The following SBNO2 variants were observed in gnomAD, a reference collection of about 807,000 sequenced individuals.
SBNO2 encodes protein strawberry notch homolog 2.
Under a neutral mutation model 146.3 loss-of-function variants are expected in SBNO2, and 89 were observed. That is an observed-to-expected ratio of 0.61 (90% CI 0.51 to 0.73). SBNO2 has a LOEUF of 0.73. Ranked by LOEUF, SBNO2 falls within the 30% of genes least tolerant of loss-of-function variation. SBNO2 has a pLI of 0.00. For missense variants in SBNO2, 2,092 were observed against 2,003.7 expected, an observed-to-expected ratio of 1.04 and a Z score of -0.84; for synonymous variants, 1,147 against 892.6, an observed-to-expected ratio of 1.29 and a Z score of -5.08.
intron 4 of SBNO2, chr19:1,132,101 C>A (rs1205532556): frequency 1.9e-6 from 3 of 1,541,328 alleles, no homozygotes; most frequent in African/African-American, 1.4e-5. Context: ...TTGTTCAGAG[C>A]CTCAAACTGC....
rs768214559 is a variant in SBNO2 at position 1,114,305 on chromosome 19, T to C, written c.2003A>G (p.Asn668Ser). 2.1e-5 allele frequency: 32 copies of C among 1,552,600 alleles called. No individual in the cohort carries two copies. The highest frequency in any genetic ancestry group is 1.5e-4 in the East Asian group (6 of 40,836). Residue 668 changes from asparagine to serine, a missense_variant, in exon 18 of 32, where the codon AAC becomes AGC. Coordinates refer to ENST00000361757, the MANE Select transcript of SBNO2 (RefSeq NM_014963.3). ...ESDPGLDSDF[N>S]SSPESLVDDD... ...ATCCACCAGGGACTCGGGGGAGGAG[T>C]TGAAGTCGCTGTCCAGGCCAGGGTC... is the stretch of plus-strand genomic sequence containing the variant.
In SBNO2 at chr19:1,116,883, C is replaced by T. The variant is rs369982538; in HGVS notation, c.1748G>A (p.Arg583Gln). Reference sequence around the variant, plus strand: ...CCCATCGTTCTCCCCCAGCACCTCCCGCGTGCGCGCCTCGCCCGTGGACTG... The same window carrying T: ...CCCATCGTTCTCCCCCAGCACCTCCTGCGTGCGCGCCTCGCCCGTGGACTG... Reference protein sequence around the residue: ...GLQSTGEARTREVLGENDGHL... With the variant: ...GLQSTGEARTQEVLGENDGHL... Residue 583 changes from arginine (R) to glutamine (Q), a missense_variant, in exon 16 of 32, where the codon CGG becomes CAG. Physicochemically the swap from Arg to Gln is conservative, Grantham distance 43. Transcript: ENST00000361757. 1.4e-5 allele frequency: 22 copies of T among 1,582,622 alleles called. No individual in the cohort carries two copies. The highest frequency in any genetic ancestry group is 5.4e-5 in the African/African-American group (4 of 74,394).
At position 1,150,355 on chromosome 19, in the gene SBNO2, G is replaced by A. The variant is rs2080230777; in HGVS notation, c.94-913C>T. Among the ~76,000 whole-genome samples, 1 of 152,078 alleles carries A rather than the reference G, an allele frequency of 6.6e-6. No homozygotes were observed. The highest frequency in any genetic ancestry group is 2.4e-5 in the African/African-American group (1 of 41,410). On this transcript the variant is annotated intron_variant, in intron 2 of 31. Coordinates refer to ENST00000361757, the MANE Select transcript of SBNO2 (RefSeq NM_014963.3). The surrounding 1 kb of genome is among the most constrained non-coding windows in gnomAD (Gnocchi z 6.2). ...TCGGGGGCAGGGCTGTGGACACCTC[G>A]TGCCCTGCAGAATGGGCACCCCTCA... is the stretch of plus-strand genomic sequence containing the variant.
intron 4 of SBNO2, among the ~76,000 whole-genome samples, chr19:1,133,405 A>T (rs1388604289): frequency 6.6e-6 from 1 of 152,002 alleles, no homozygotes; most frequent in Non-Finnish European, 1.5e-5. Context: ...CAGGGCTCTG[A>T]GGGGAGAGTG....
chr19:1,113,432 A>G (rs2079791676), intron 19 of SBNO2, 103 bp downstream of exon 19: 3 of 1,050,422 alleles, frequency 2.9e-6, no homozygotes, highest in Non-Finnish European at 4.0e-6. Context: ...GCGGAGACGC[A>G]GAGTGACCAG....
rs1364889778 is a variant in SBNO2 at position 1,122,130 on chromosome 19, G to C, written c.1149+9C>G. ...AGCCCTCCCCTCCCGATTGCCCCCA[G>C]CAGGATACGACGCCCTCGAAGGCCT... On this transcript the variant is annotated intron_variant, in intron 11 of 31. Transcript: ENST00000361757. The C allele has an allele frequency of 1.5e-6, 2 of 1,315,062 alleles. No individual in the cohort carries two copies. The highest frequency in any genetic ancestry group is 1.8e-5 in the South Asian group (1 of 54,926). 81.5% of individuals were successfully genotyped at this position (1,315,062 alleles called of 1,614,324 possible).
intron 5 of SBNO2, among the ~76,000 whole-genome samples, chr19:1,125,018 T>C (rs1267905808): frequency 6.6e-6 from 1 of 151,922 alleles, no homozygotes; most frequent in African/African-American, 2.4e-5. Flanking sequence ...ATATCCACTC[T>C]TAAAAAGCAA....
intron 4 of SBNO2, among the ~76,000 whole-genome samples, chr19:1,135,099 A>G (rs555501088): frequency 6.7e-6 from 1 of 148,260 alleles, no homozygotes; most frequent in Admixed American, 6.8e-5. Context: ...AGTGGCTCAC[A>G]CCTGCCATCC....
At chr19:1,168,332 G>T (rs1215871206) in intron 1 of SBNO2, among the ~76,000 whole-genome samples, 1 of 152,112 alleles carries the variant, frequency 6.6e-6, no homozygotes, top group East Asian at 1.9e-4. Context: ...GCCCCGGTCA[G>T]CCCAGCCACA....
At chr19:1,154,803 A>ACCCAGGGGAG (rs2080274393) in intron 1 of SBNO2, among the ~76,000 whole-genome samples, 1 of 152,044 alleles carries the variant, frequency 6.6e-6, no homozygotes. Flanking sequence ...CGGGCCCGGC[A>ACCCAGGGGAG]CCCAGGGGAG....
rs553574884 is a variant in SBNO2 at position 1,125,061 on chromosome 19, G to A, written c.442-1039C>T. Among the ~76,000 whole-genome samples, 27 of 152,022 alleles carry A rather than the reference G, an allele frequency of 1.8e-4. No individual in the cohort carries two copies. In the South Asian group the frequency reaches 3.7e-3, roughly 21 times the overall value. On this transcript the variant is annotated intron_variant, in intron 5 of 31. Coordinates refer to ENST00000361757, the MANE Select transcript of SBNO2 (RefSeq NM_014963.3). ...AACAGTAATACGAGCCATAAAAAAC[G>A]TAAGCATGGTCAGGGTACAGTGGCT...
At chr19:1,127,928 C>A (rs552565933) in intron 4 of SBNO2, among the ~76,000 whole-genome samples, 163 bp from the exon 5 acceptor site, 21 of 152,236 alleles carry the variant, frequency 1.4e-4, no homozygotes, top group African/African-American at 5.1e-4. Context: ...ATTCTCCTGC[C>A]TCATCCTCCC....
At position 1,157,294 on chromosome 19, in the gene SBNO2, C is replaced by A. The variant is rs899598024; in HGVS notation, c.-126-2892G>T. On this transcript the variant is annotated intron_variant, in intron 1 of 31. Transcript: ENST00000361757. This position sits in a 1 kb window ranked among gnomAD's most constrained non-coding sequence, Gnocchi z 6.8. ...ACCCTAGTGGGACACTGGGTGGGGT[C>A]TTGGGGCCTGAGAACACCCCAACGC... Among the ~76,000 whole-genome samples the A allele has an allele frequency of 6.6e-6, 1 of 151,912 alleles. No homozygotes were observed. The highest frequency in any genetic ancestry group is 1.5e-5 in the Non-Finnish European group (1 of 67,938).
chr19:1,152,728 G>A (rs974152317), intron 2 of SBNO2, among the ~76,000 whole-genome samples: 11 of 152,160 alleles, frequency 7.2e-5, no homozygotes, highest in African/African-American at 1.9e-4. Context: ...ATGGACTGCC[G>A]AGGGGTGTCT....
At chr19:1,132,625 C>A (rs570717446) in intron 4 of SBNO2, among the ~76,000 whole-genome samples, 1 of 152,330 alleles carries the variant, frequency 6.6e-6, no homozygotes, top group South Asian at 2.1e-4. Context: ...TCACCCAGCA[C>A]CCCACGCATG....
chr19:1,139,809 A>G (rs565514580), intron 4 of SBNO2, among the ~76,000 whole-genome samples: 1 of 151,702 alleles, frequency 6.6e-6, no homozygotes, highest in South Asian at 2.1e-4. Context: ...ATAAATAAAT[A>G]TGGTGCGCGT....
chr19:1,164,603 CAGGAGGAGGAGGAGGAGGAACAGG>C (rs1568643920), intron 1 of SBNO2, among the ~76,000 whole-genome samples: 4 of 982 alleles, frequency 4.1e-3, no homozygotes, highest in Admixed American at 0.011. Flanking sequence ...GCAGTGGAGA[CAGGAGGAGGAGGAGGAGGAACAGG>C]AGGAGGAGGA....
intron 11 of SBNO2, among the ~76,000 whole-genome samples, chr19:1,120,573 G>C (rs2079889752): frequency 6.6e-6 from 1 of 152,032 alleles, no homozygotes; most frequent in African/African-American, 2.4e-5. Context: ...TTGGCCGTTT[G>C]GTTGGCCAGA....
In SBNO2 at chr19:1,109,398, A is replaced by G. The variant is rs1187739781; in HGVS notation, c.3242T>C (p.Leu1081Pro). The G allele has an allele frequency of 6.4e-7, 1 of 1,569,340 alleles. No homozygotes were observed. Among genetic ancestry groups the G allele is most frequent in the Admixed American group, 1.9e-5 (1 of 53,026 alleles). ...CTGGCCGCGGTTCTGCTCCGCCAGCAGGCAGCTGGGCTTGTTACCGCGGAC... is the reference window on the plus strand; with the variant it reads ...CTGGCCGCGGTTCTGCTCCGCCAGCGGGCAGCTGGGCTTGTTACCGCGGAC... ...YKVRGNKPSC[L>P]LAEQNRGQFF... Residue 1081 changes from leucine to proline, a missense_variant, in exon 29 of 32, where the codon CTG becomes CCG. Leu to Pro is a moderately conservative substitution (Grantham distance 98, BLOSUM62 -3). Coordinates refer to ENST00000361757, the MANE Select transcript of SBNO2 (RefSeq NM_014963.3). The surrounding 1 kb of genome is among the most constrained non-coding windows in gnomAD (Gnocchi z 4.2).
Sources: allele counts gnomAD v4.1 joint callset (sites outside exome capture counted in the v4.1 genomes callset), GRCh38; gene constraint gnomAD v4.1.1; non-coding constraint Gnocchi (gnomAD v3.1); transcripts MANE v1.5; gene names NCBI Gene and HGNC (gene_info 2026-07-23, HGNC 2026-07-21).